The following ZNF195 variants were observed in gnomAD, a reference collection of about 807,000 sequenced individuals.
ZNF195 encodes hypoxia-regulated factor-1.
ZNF195 carries 11 observed loss-of-function variants against 19.5 expected under a neutral mutation model. That is an observed-to-expected ratio of 0.57 (90% CI 0.36 to 0.94). The LOEUF (loss-of-function observed/expected upper bound fraction) is 0.94, where lower values mean the gene tolerates loss of function less well. Among genes scored for constraint, ZNF195 ranks in the 40% least tolerant of loss-of-function variants. The probability of loss-of-function intolerance (pLI) is 0.01; values close to 1 mark genes in which losing one functional copy is unlikely to be tolerated. For missense variants in ZNF195, 582 were observed against 709.0 expected, an observed-to-expected ratio of 0.82 and a Z score of 2.03; for synonymous variants, 214 against 248.1, an observed-to-expected ratio of 0.86 and a Z score of 1.29.
At chr11:3,377,349 C>T (rs1409669058) in intron 1 of ZNF195, among the ~76,000 whole-genome samples, 2 of 152,132 alleles carry the variant, frequency 1.3e-5, no homozygotes, top group African/African-American at 2.4e-5. Flanking sequence ...AAGTGCTCAC[C>T]GGCCACCCCC....
chr11:3,369,722 G>A (rs1394633430), intron 3 of ZNF195, among the ~76,000 whole-genome samples: 1 of 152,210 alleles, frequency 6.6e-6, no homozygotes, highest in Non-Finnish European at 1.5e-5. Flanking sequence ...GCAGTTGCCA[G>A]GGCCTGGAGT....
At chr11:3,370,811 T>G in intron 3 of ZNF195, 164 bp downstream of exon 3, 2 of 600,810 alleles carry the variant, frequency 3.3e-6, no homozygotes, top group East Asian at 5.3e-5. Flanking sequence ...TTTGAGAGAA[T>G]GAGACAGAAG....
In ZNF195 at chr11:3,359,817, A is replaced by G; in HGVS notation, c.1191T>C (p.Pro397=). The G allele has an allele frequency of 6.2e-7, 1 of 1,614,044 alleles. No homozygotes were observed. Among genetic ancestry groups the G allele is most frequent in the Non-Finnish European group, 8.5e-7 (1 of 1,180,028 alleles). The change falls in exon 6 of 6, where the codon CCT becomes CCC. Residue 397 remains proline (P), a synonymous_variant. Transcript: ENST00000399602. This position sits in a 1 kb window ranked among gnomAD's most constrained non-coding sequence, Gnocchi z 5.5. ...WYKGFNHSPN[P]SKHQRNEIGG... ...CAATCTCATTTCTCTGGTGTTTGGA[A>G]GGATTTGGGCTGTGGTTAAAACCTT...
chr11:3,363,632 T>C (rs1230539812), intron 3 of ZNF195, among the ~76,000 whole-genome samples: 3 of 152,244 alleles, frequency 2.0e-5, no homozygotes, highest in Non-Finnish European at 4.4e-5. Context: ...CTCTTTCAGA[T>C]TTTGAATCCT....
At position 3,359,808 on chromosome 11, in the gene ZNF195, G is replaced by A. The variant is rs982652041; in HGVS notation, c.1200C>T (p.His400=). ...GTTTCCCTCCAATCTCATTTCTCTG[G>A]TGTTTGGAAGGATTTGGGCTGTGGT... ...GFNHSPNPSK[H]QRNEIGGKPF... Residue 400 remains histidine (H), a synonymous_variant, in exon 6 of 6, where the codon CAC becomes CAT. Coordinates refer to ENST00000399602, the MANE Select transcript of ZNF195 (RefSeq NM_001130520.3). The surrounding 1 kb of genome is among the most constrained non-coding windows in gnomAD (Gnocchi z 5.5). 40 of 1,613,914 alleles carry A rather than the reference G, an allele frequency of 2.5e-5. No homozygotes were observed. Among genetic ancestry groups the A allele is most frequent in the Non-Finnish European group, 3.4e-5 (40 of 1,180,034 alleles).
rs148780806 is a variant in ZNF195, at chr11:3,372,795, G to A, written c.4-1092C>T. On this transcript the variant is annotated intron_variant, in intron 1 of 5. Coordinates refer to ENST00000399602, the MANE Select transcript of ZNF195 (RefSeq NM_001130520.3). ...AGCCCAGGCTGGAGTGCAGTGGCGC[G>A]ATCTCGGCTCACTGCTACCTCTGCC... 7.2e-4 allele frequency among the ~76,000 whole-genome samples: 109 copies of A among 152,338 alleles called. 1 individual carries two copies. The East Asian group carries it at 0.018, about 26-fold the overall frequency.
At position 3,379,041 on chromosome 11, in the gene ZNF195, C is replaced by T; in HGVS notation, c.-1G>A. ...GAGGCCTGGCCCCTACACTCACCAT[C>T]TCCTGGCCTCCAGAGAGCCTGGCGT... On this transcript the variant is annotated 5_prime_UTR_variant, in exon 1 of 6. Coordinates refer to ENST00000399602, the MANE Select transcript of ZNF195 (RefSeq NM_001130520.3). 1 of 1,495,494 alleles carries T rather than the reference C, an allele frequency of 6.7e-7. No homozygotes were observed. The highest frequency in any genetic ancestry group is 1.3e-5 in the South Asian group (1 of 75,976). The allele number at this position is 1,495,494 out of a possible 1,614,324, so 92.6% of individuals were successfully genotyped here.
chr11:3,370,608 A>G (rs1375300850), intron 3 of ZNF195, among the ~76,000 whole-genome samples: 2 of 152,354 alleles, frequency 1.3e-5, no homozygotes, highest in South Asian at 4.1e-4. Flanking sequence ...CACTTCAGAC[A>G]TGATGCAAAG....
rs566731912 is a variant in ZNF195 at position 3,376,084 on chromosome 11, T to C, written c.3+2954A>G. 7.2e-5 allele frequency among the ~76,000 whole-genome samples: 11 copies of C among 152,316 alleles called. 1 individual carries two copies. Among genetic ancestry groups the C allele is most frequent in the African/African-American group, 2.2e-4 (9 of 41,564 alleles). ...AGAAACAGCCCCAGGATAATAACGA[T>C]TCCATACCCAGGAAGTCCTCCCCAG... On this transcript the variant is annotated intron_variant, in intron 1 of 5. Transcript: ENST00000399602.
rs1217906881 is a variant in ZNF195 at position 3,360,207 on chromosome 11, A to C, written c.801T>G (p.Thr267=). The change falls in exon 6 of 6, where the codon ACT becomes ACG. Residue 267 remains threonine, a synonymous_variant. Transcript: ENST00000399602. The part of the protein sequence containing the change: ...SFLTEHQKIH[T]GKKFQKCGEC... ...CTCCACATTTTTGGAATTTTTTTCC[A>C]GTGTGAATTTTCTGATGTTCAGTTA... 3 of 1,613,932 alleles carry C rather than the reference A, an allele frequency of 1.9e-6. No individual in the cohort carries two copies. Among genetic ancestry groups the C allele is most frequent in the Non-Finnish European group, 2.5e-6 (3 of 1,179,978 alleles).
In ZNF195 at chr11:3,361,726, T is replaced by A. The variant is rs151132867; in HGVS notation, c.373+17A>T. On this transcript the variant is annotated intron_variant, in intron 4 of 5. Transcript: ENST00000399602. ...AGCAGCAAGTGAAAAGCAAGGTACA[T>A]GCTCTTAGGAGATTACCAGTGAATT... 3.4e-4 allele frequency: 438 copies of A among 1,301,828 alleles called. No homozygotes were observed. The highest frequency in any genetic ancestry group is 4.2e-4 in the Non-Finnish European group (411 of 987,904). 80.6% of individuals were successfully genotyped at this position (1,301,828 alleles called of 1,614,324 possible). A position where few individuals can be genotyped will look rare whatever the true frequency, so the allele number is the denominator to read the frequency against.
intron 3 of ZNF195, among the ~76,000 whole-genome samples, chr11:3,364,554 TAC>T (rs35746901): frequency 0.13 from 19,597 of 152,172 alleles, 1,620 homozygotes; most frequent in East Asian, 0.42. Context: ...TGGAGGGTGT[TAC>T]AGTTTTTGTA....
intron 4 of ZNF195, among the ~76,000 whole-genome samples, chr11:3,361,019 CTGAG>C (rs1295847251): frequency 3.9e-5 from 6 of 152,188 alleles, no homozygotes; most frequent in African/African-American, 1.4e-4. Context: ...TGGTGGTACT[CTGAG>C]TGACAGGCTG....
chr11:3,373,659 G>T, intron 1 of ZNF195: 1 of 1,545,602 alleles, frequency 6.5e-7, no homozygotes, highest in Non-Finnish European at 8.7e-7. Flanking sequence ...AATCACACCT[G>T]CATCGTGAGA....
chr11:3,377,184 A>C (rs1463058251), intron 1 of ZNF195, among the ~76,000 whole-genome samples: 1 of 152,246 alleles, frequency 6.6e-6, no homozygotes, highest in Non-Finnish European at 1.5e-5. Context: ...GTAAATTTAC[A>C]ATTAAAAATC....
At chr11:3,366,441 G>A (rs989339676) in intron 3 of ZNF195, among the ~76,000 whole-genome samples, 9 of 151,980 alleles carry the variant, frequency 5.9e-5, no homozygotes, top group African/African-American at 2.2e-4. Flanking sequence ...TCACACATTT[G>A]ATAGGAGTGT....
At chr11:3,377,992 C>T (rs1371960739) in intron 1 of ZNF195, 6 of 935,920 alleles carry the variant, frequency 6.4e-6, no homozygotes, top group Non-Finnish European at 7.6e-6. Context: ...GGAATGATTA[C>T]AAACAGAAAA....
At chr11:3,367,525 G>A (rs1295755558) in intron 3 of ZNF195, among the ~76,000 whole-genome samples, 5 of 152,000 alleles carry the variant, frequency 3.3e-5, no homozygotes. Context: ...ACTCTACTGA[G>A]AACATTTTAA....
chr11:3,366,212 A>C (rs1268532117), intron 3 of ZNF195, among the ~76,000 whole-genome samples: 2 of 147,428 alleles, frequency 1.4e-5, no homozygotes, highest in African/African-American at 5.0e-5. Flanking sequence ...TGCAGTGAGC[A>C]GAGATCGCAC....
Sources: gnomAD v4.1 joint callset for allele counts (sites outside exome capture counted in the v4.1 genomes callset) on GRCh38, gnomAD v4.1.1 for gene constraint, Gnocchi (gnomAD v3.1) non-coding constraint, MANE v1.5 for transcripts, NCBI Gene and HGNC (gene_info 2026-07-23, HGNC 2026-07-21) for gene names.